The following PPM1H variants were observed in gnomAD, a reference collection of about 807,000 sequenced individuals.
PPM1H encodes protein phosphatase, Mg2+/Mn2+ dependent 1H.
PPM1H carries 27 observed loss-of-function variants against 54.9 expected under a neutral mutation model. The observed-to-expected ratio is 0.49, with a 90% CI of 0.36 to 0.68. The LOEUF is 0.68. Ranked by LOEUF, PPM1H falls within the 30% of genes least tolerant of loss-of-function variation. The probability of loss-of-function intolerance (pLI) is 0.00; values close to 1 mark genes in which losing one functional copy is unlikely to be tolerated. For synonymous variants in PPM1H, 305 were observed against 270.8 expected (o/e 1.13, Z -1.24); for missense variants, 596 against 667.8 (o/e 0.89, Z 1.19).
At chr12:62,722,707 G>T (rs1261157202) in intron 5 of PPM1H, among the ~76,000 whole-genome samples, 1 of 152,116 alleles carries the variant, frequency 6.6e-6, no homozygotes, top group Non-Finnish European at 1.5e-5. Flanking sequence ...ATAACTAGAA[G>T]AAATCATTGA....
At chr12:62,737,279 A>T (rs1470165046) in intron 5 of PPM1H, among the ~76,000 whole-genome samples, 1 of 151,898 alleles carries the variant, frequency 6.6e-6, no homozygotes, top group Non-Finnish European at 1.5e-5. Context: ...TTGGTCACAG[A>T]TGGGAGAAAA....
At chr12:62,927,649 C>T (rs1413084677) in intron 1 of PPM1H, among the ~76,000 whole-genome samples, 5 of 140,694 alleles carry the variant, frequency 3.6e-5, no homozygotes, top group South Asian at 2.2e-4. Context: ...GCAACAAGAG[C>T]GAAACTCCGT....
chr12:62,711,812 C>A (rs144644540), intron 6 of PPM1H, among the ~76,000 whole-genome samples: 7 of 152,192 alleles, frequency 4.6e-5, no homozygotes, highest in African/African-American at 1.7e-4. Context: ...GAGTGATGAT[C>A]AATGGGGAGC....
At chr12:62,920,919 A>AATTT (rs1338717301) in intron 1 of PPM1H, among the ~76,000 whole-genome samples, 2 of 151,708 alleles carry the variant, frequency 1.3e-5, no homozygotes, top group Non-Finnish European at 2.9e-5. Context: ...GTAATTAATT[A>AATTT]ATTTATTTAT....
intron 3 of PPM1H, among the ~76,000 whole-genome samples, chr12:62,800,125 G>C (rs1266251284): frequency 6.6e-6 from 1 of 152,208 alleles, no homozygotes; most frequent in African/African-American, 2.4e-5. Context: ...GCAAATTTGA[G>C]GGGTGAATAT....
chr12:62,715,992 A>T (rs1482508012), intron 6 of PPM1H, among the ~76,000 whole-genome samples: 1 of 152,170 alleles, frequency 6.6e-6, no homozygotes, highest in Non-Finnish European at 1.5e-5. Context: ...CTGAATGATC[A>T]TGTCTAATTA....
chr12:62,838,123 G>T (rs1868559687), intron 1 of PPM1H, among the ~76,000 whole-genome samples: 1 of 152,294 alleles, frequency 6.6e-6, no homozygotes, highest in Non-Finnish European at 1.5e-5. Context: ...ACCAAATAGA[G>T]AATCTTCTTT....
intron 1 of PPM1H, among the ~76,000 whole-genome samples, chr12:62,863,160 G>A (rs1326055213): frequency 4.6e-5 from 7 of 151,566 alleles, no homozygotes; most frequent in Non-Finnish European, 1.0e-4. Context: ...AGCTGGGACC[G>A]CAGGTGCGTG....
chr12:62,740,391 G>C (rs1365429868), intron 4 of PPM1H, among the ~76,000 whole-genome samples: 2 of 152,080 alleles, frequency 1.3e-5, no homozygotes, highest in African/African-American at 2.4e-5. Flanking sequence ...TTCTTCTCCT[G>C]GTTTCCCTCC....
chr12:62,918,132 T>C (rs1268802064), intron 1 of PPM1H, among the ~76,000 whole-genome samples: 5 of 152,182 alleles, frequency 3.3e-5, no homozygotes, highest in Admixed American at 6.5e-5. Context: ...TTTATGAATA[T>C]GCAAACTGAG....
chr12:62,753,245 TG>T (rs1177472504), intron 4 of PPM1H, among the ~76,000 whole-genome samples: 1 of 152,224 alleles, frequency 6.6e-6, no homozygotes, highest in Non-Finnish European at 1.5e-5. Flanking sequence ...TCCTCTTCAC[TG>T]AATAAATCAG....
chr12:62,753,842 A>G (rs1181847196), intron 4 of PPM1H, among the ~76,000 whole-genome samples: 1 of 152,142 alleles, frequency 6.6e-6, no homozygotes, highest in African/African-American at 2.4e-5. Flanking sequence ...CACTAACCTC[A>G]TTTCCACTAG....
At chr12:62,829,874 C>G (rs1171877124) in intron 2 of PPM1H, among the ~76,000 whole-genome samples, 3 of 152,226 alleles carry the variant, frequency 2.0e-5, no homozygotes, top group Non-Finnish European at 4.4e-5. Flanking sequence ...TTACAGAGAT[C>G]ACTTTATATC....
chr12:62,774,920 G>A (rs1212320755), intron 4 of PPM1H, among the ~76,000 whole-genome samples: 1 of 152,184 alleles, frequency 6.6e-6, no homozygotes, highest in Non-Finnish European at 1.5e-5. Context: ...GCTATCTGTG[G>A]GAACTTGAGA....
At chr12:62,736,201 C>T (rs2076348606) in intron 5 of PPM1H, among the ~76,000 whole-genome samples, 1 of 152,148 alleles carries the variant, frequency 6.6e-6, no homozygotes, top group African/African-American at 2.4e-5. Context: ...CTCAGAGGCC[C>T]TTGGTGGCCC....
At chr12:62,701,452 T>C (rs2076143530) in intron 6 of PPM1H, among the ~76,000 whole-genome samples, 1 of 152,200 alleles carries the variant, frequency 6.6e-6, no homozygotes, top group African/African-American at 2.4e-5. Flanking sequence ...ATACATCCCT[T>C]CAGTAAAGCT....
rs2075792392 is a variant in PPM1H, at chr12:62,647,456, G to A, written c.*1033C>T. ...AAACATGAATCCAAAATGGTCCCCA[G>A]ATGAGCCATGGTGAACCAACAGATG... On this transcript the variant is annotated 3_prime_UTR_variant, in exon 10 of 10. Transcript: ENST00000228705. The A allele has an allele frequency of 6.6e-6, 1 of 152,270 alleles. No individual in the cohort carries two copies. The highest frequency in any genetic ancestry group is 1.9e-4 in the East Asian group (1 of 5,192). The allele number at this position is 152,270 out of a possible 1,614,324, so 9.4% of individuals were successfully genotyped here.
At chr12:62,873,871 A>G (rs920306702) in intron 1 of PPM1H, among the ~76,000 whole-genome samples, 21 of 152,222 alleles carry the variant, frequency 1.4e-4, no homozygotes, top group African/African-American at 4.6e-4. Flanking sequence ...GAATGTAACA[A>G]GGAGCCCTAA....
chr12:62,866,725 C>A (rs2120988672), intron 1 of PPM1H, among the ~76,000 whole-genome samples: 1 of 152,064 alleles, frequency 6.6e-6, no homozygotes, highest in East Asian at 1.9e-4. Flanking sequence ...TAAGCCGCTC[C>A]CAGATTCCTG....
Sources: allele counts gnomAD v4.1 joint callset (sites outside exome capture counted in the v4.1 genomes callset), GRCh38; gene constraint gnomAD v4.1.1; transcripts MANE v1.5; gene names NCBI Gene and HGNC (gene_info 2026-07-23, HGNC 2026-07-21).